The following UFC1 variants were observed in gnomAD, a reference collection of about 807,000 sequenced individuals.
UFC1 encodes ubiquitin-fold modifier conjugating enzyme 1, also known as ubiquitin-fold modifier-conjugating enzyme 1.
Under a neutral mutation model 28.0 loss-of-function variants are expected in UFC1, and 22 were observed. The ratio of observed to expected loss-of-function variants is 0.78; its 90% CI spans 0.56 to 1.12. The LOEUF (loss-of-function observed/expected upper bound fraction) is 1.12. Among genes scored for constraint, UFC1 ranks in the 50% most tolerant of loss-of-function variants. The pLI is 0.00. For synonymous variants in UFC1, 61 were observed against 74.5 expected, an observed-to-expected ratio of 0.82 and a Z score of 0.93; for missense variants, 189 against 207.8, an observed-to-expected ratio of 0.91 and a Z score of 0.56.
chr1:161,155,022 A>G (rs1489398262), intron 1 of UFC1, among the ~76,000 whole-genome samples: 13 of 152,138 alleles, frequency 8.5e-5, no homozygotes, highest in Non-Finnish European at 1.8e-4. Context: ...TACTGTGCAT[A>G]TAGAACCTAG....
At chr1:161,155,513 T>C (rs1657483274) in intron 1 of UFC1, among the ~76,000 whole-genome samples, 1 of 152,206 alleles carries the variant, frequency 6.6e-6, no homozygotes, top group African/African-American at 2.4e-5. Flanking sequence ...AGGAATTACA[T>C]GGCCGATTTG....
At position 161,158,517 on chromosome 1, in the gene UFC1, A is replaced by T. The variant is rs1657624630; in HGVS notation, c.*25A>T. 1.2e-6 allele frequency: 2 copies of T among 1,613,180 alleles called. No individual in the cohort carries two copies. The highest frequency in any genetic ancestry group is 1.7e-6 in the Non-Finnish European group (2 of 1,179,100). ...AAGAATCAAGCCACTGAGGCAGGGC[A>T]GAGGGACCTTTGATAGGCTACGATA... On this transcript the variant is annotated 3_prime_UTR_variant, in exon 6 of 6. Coordinates refer to ENST00000368003, the MANE Select transcript of UFC1 (RefSeq NM_016406.4).
intron 1 of UFC1, among the ~76,000 whole-genome samples, chr1:161,156,745 G>A (rs766332204): frequency 6.6e-6 from 1 of 152,068 alleles, no homozygotes; most frequent in Admixed American, 6.6e-5. Context: ...AGGAGACTGA[G>A]GAAGGAGAAT....
chr1:161,156,309 T>C (rs1282602103), intron 1 of UFC1, among the ~76,000 whole-genome samples: 1 of 151,070 alleles, frequency 6.6e-6, no homozygotes, highest in Non-Finnish European at 1.5e-5. Flanking sequence ...GGTGGGCGGA[T>C]CACGAGGTCA....
At chr1:161,157,750 T>C in intron 4 of UFC1, 57 bp downstream of exon 4, 1 of 1,460,314 alleles carries the variant, frequency 6.8e-7, no homozygotes, top group Non-Finnish European at 9.6e-7. Flanking sequence ...AAGAACTTCG[T>C]GGCGGGAGGG....
In UFC1 at chr1:161,157,017, G is replaced by T. The variant is rs778834205; in HGVS notation, c.191G>T (p.Arg64Leu). ...FRLESNKEGT[R>L]WFGKCWYIHD... ...CTGGAGTCCAACAAGGAAGGAACTC[G>T]GTAGGTAGACCCTCTTGGGAGGTGT... The change falls in exon 2 of 6, where the codon CGG (arginine) becomes CTG (leucine). Residue 64 changes from arginine to leucine, a missense_variant and splice_region_variant. Transcript: ENST00000368003. 1 of 1,613,952 alleles carries T rather than the reference G, an allele frequency of 6.2e-7. No individual in the cohort carries two copies. The highest frequency in any genetic ancestry group is 1.1e-5 in the South Asian group (1 of 91,060).
chr1:161,157,929 T>C lies in UFC1; in HGVS notation c.333-192T>C, dbSNP rs1014593086. The C allele has an allele frequency of 1.7e-5, 11 of 639,682 alleles. No individual in the cohort carries two copies. In the Admixed American group the frequency reaches 2.9e-4, roughly 17 times the overall value. 39.6% of individuals were successfully genotyped at this position (639,682 alleles called of 1,614,324 possible). On this transcript the variant is annotated intron_variant, in intron 4 of 5. Transcript: ENST00000368003. ...GGAAAAAAAAAAAAAGGAAGAACTT[T>C]GGAGGCAGAGATTTTCCCAGGGTCT...
chr1:161,158,158 T>C lies in UFC1; in HGVS notation c.370T>C (p.Leu124=), dbSNP rs1246195298. The C allele has an allele frequency of 1.2e-6, 2 of 1,614,168 alleles. No individual in the cohort carries two copies. Among genetic ancestry groups the C allele is most frequent in the African/African-American group, 1.3e-5 (1 of 75,016 alleles). Residue 124 remains leucine (L), a synonymous_variant, in exon 5 of 6, where the codon TTG becomes CTG. Transcript: ENST00000368003. ...ATGCCTGACGGATCATTTCAAACCTTTGTGGGCCAGGAATGTGCCCAAATT... is the reference window on the plus strand; with the variant it reads ...ATGCCTGACGGATCATTTCAAACCTCTGTGGGCCAGGAATGTGCCCAAATT... ...KICLTDHFKP[L]WARNVPKFGL...
intron 4 of UFC1, chr1:161,157,919 G>A (rs1487144870): frequency 1.3e-5 from 8 of 626,824 alleles, no homozygotes; most frequent in Non-Finnish European, 2.2e-5. Flanking sequence ...AAAAAAAAAA[G>A]GAAGAACTTT....
At position 161,158,613 on chromosome 1, in the gene UFC1, T is replaced by C; in HGVS notation, c.*121T>C. 9.9e-7 allele frequency: 1 copy of C among 1,011,174 alleles called. No individual in the cohort carries two copies. Among genetic ancestry groups the C allele is most frequent in the Admixed American group, 2.0e-5 (1 of 50,344 alleles). The allele number at this position is 1,011,174 out of a possible 1,614,324, so 62.6% of individuals were successfully genotyped here. On this transcript the variant is annotated 3_prime_UTR_variant, in exon 6 of 6. Coordinates refer to ENST00000368003, the MANE Select transcript of UFC1 (RefSeq NM_016406.4). ...GACACCCTCCACCTCTAGTTGTTAC[T>C]AAGTAGCTGCAGTAGGCATTGCTGG...
chr1:161,156,172 C>T (rs972423587), intron 1 of UFC1, among the ~76,000 whole-genome samples: 3 of 152,148 alleles, frequency 2.0e-5, no homozygotes, highest in African/African-American at 7.2e-5. Context: ...TCTGGGCAGA[C>T]CCCCACTTAC....
intron 1 of UFC1, 58 bp downstream of exon 1, chr1:161,154,178 C>T: frequency 1.2e-6 from 2 of 1,602,224 alleles, no homozygotes; most frequent in Non-Finnish European, 8.5e-7. Flanking sequence ...AATCAGGTGT[C>T]CTCAATAATA....
chr1:161,154,501 T>A (rs1420157841), intron 1 of UFC1, among the ~76,000 whole-genome samples: 1 of 152,112 alleles, frequency 6.6e-6, no homozygotes, highest in African/African-American at 2.4e-5. Flanking sequence ...TTTGTTTGTT[T>A]GTTTGACGGA....
At position 161,158,545 on chromosome 1, in the gene UFC1, A is replaced by G. The variant is rs1405978654; in HGVS notation, c.*53A>G. 6.3e-7 allele frequency: 1 copy of G among 1,592,244 alleles called. No individual in the cohort carries two copies. The highest frequency in any genetic ancestry group is 2.2e-5 in the East Asian group (1 of 44,758). On this transcript the variant is annotated 3_prime_UTR_variant, in exon 6 of 6. Transcript: ENST00000368003. Reference sequence around the variant, plus strand: ...GGGACCTTTGATAGGCTACGATACTATTTTCCTGTGCATCACACTTAACTC... The same window carrying G: ...GGGACCTTTGATAGGCTACGATACTGTTTTCCTGTGCATCACACTTAACTC...
At chr1:161,154,558 C>G (rs551811049) in intron 1 of UFC1, among the ~76,000 whole-genome samples, 3 of 152,292 alleles carry the variant, frequency 2.0e-5, no homozygotes, top group East Asian at 3.9e-4. Context: ...GATCTCGGCT[C>G]ACTGCAACCT....
chr1:161,155,357 A>G (rs943177280), intron 1 of UFC1, among the ~76,000 whole-genome samples: 1 of 152,246 alleles, frequency 6.6e-6, no homozygotes, highest in Non-Finnish European at 1.5e-5. Context: ...AGGCACCAGC[A>G]TGATGTGTTT....
At chr1:161,156,579 C>T (rs1455968153) in intron 1 of UFC1, among the ~76,000 whole-genome samples, 4 of 149,344 alleles carry the variant, frequency 2.7e-5, no homozygotes, top group African/African-American at 9.9e-5. Context: ...TAGTGGCTCA[C>T]GCCTGTAATC....
Position 161,158,769 on chromosome 1 carries a change from TG to T in UFC1, c.*279del. ...CCCCAGGTGGAGCAACATGCGATTC[TG>T]GAGGCACGGGGGTAACTGAAAGTGA... On this transcript the variant is annotated 3_prime_UTR_variant, in exon 6 of 6. Coordinates refer to ENST00000368003, the MANE Select transcript of UFC1 (RefSeq NM_016406.4). 2.2e-6 allele frequency: 1 copy of T among 456,926 alleles called. No homozygotes were observed. Among genetic ancestry groups the T allele is most frequent in the African/African-American group, 2.0e-5 (1 of 50,870 alleles). The allele number at this position is 456,926 out of a possible 1,614,324, so 28.3% of individuals were successfully genotyped here.
intron 1 of UFC1, among the ~76,000 whole-genome samples, chr1:161,155,107 AG>A (rs1657472906): frequency 6.6e-6 from 1 of 152,222 alleles, no homozygotes; most frequent in African/African-American, 2.4e-5. Flanking sequence ...ACAGTGTTTA[AG>A]TGGAGAGAGA....
Sources: gnomAD v4.1 joint callset for allele counts (sites outside exome capture counted in the v4.1 genomes callset) on GRCh38, gnomAD v4.1.1 for gene constraint, MANE v1.5 for transcripts, NCBI Gene and HGNC (gene_info 2026-07-23, HGNC 2026-07-21) for gene names.